The following MBOAT2 variants were observed in gnomAD, a reference collection of about 807,000 sequenced individuals.
The protein encoded by MBOAT2 is membrane bound glycerophospholipid O-acyltransferase 2.
Under a neutral mutation model 63.4 loss-of-function variants are expected in MBOAT2, and 28 were observed. That is an observed-to-expected ratio of 0.44 (90% CI 0.33 to 0.61). The LOEUF (loss-of-function observed/expected upper bound fraction) is 0.61, where lower values mean the gene tolerates loss of function less well. Among genes scored for constraint, MBOAT2 ranks in the 20% least tolerant of loss-of-function variants. The pLI, the probability that MBOAT2 is intolerant of heterozygous loss-of-function variation, is 0.03. For synonymous variants in MBOAT2, 211 were observed against 215.6 expected, an observed-to-expected ratio of 0.98 and a Z score of 0.19; for missense variants, 470 against 605.8, an observed-to-expected ratio of 0.78 and a Z score of 2.35.
At chr2:8,892,866 A>T (rs971717595) in intron 4 of MBOAT2, among the ~76,000 whole-genome samples, 3 of 152,080 alleles carry the variant, frequency 2.0e-5, no homozygotes, top group Admixed American at 2.0e-4. Context: ...GTGATGAGCA[A>T]GGAGGACAGG....
intron 2 of MBOAT2, among the ~76,000 whole-genome samples, chr2:8,955,614 T>C (rs1161944940): frequency 6.6e-6 from 1 of 152,226 alleles, no homozygotes; most frequent in East Asian, 1.9e-4. Flanking sequence ...TAATCAGCCA[T>C]CTTGGACTGT....
chr2:8,966,390 G>C (rs1472041388), intron 1 of MBOAT2, among the ~76,000 whole-genome samples: 2 of 152,188 alleles, frequency 1.3e-5, no homozygotes, highest in Non-Finnish European at 2.9e-5. Flanking sequence ...CCCTGTGCTG[G>C]AATCTTATCT....
intron 1 of MBOAT2, among the ~76,000 whole-genome samples, chr2:8,970,739 AACACCTCT>A (rs1282191259): frequency 1.3e-5 from 2 of 152,224 alleles, no homozygotes; most frequent in Non-Finnish European, 2.9e-5. Flanking sequence ...GAATACTATA[AACACCTCT>A]ACACAAATAA....
At chr2:8,969,217 C>G (rs1670257059) in intron 1 of MBOAT2, among the ~76,000 whole-genome samples, 1 of 152,048 alleles carries the variant, frequency 6.6e-6, no homozygotes, top group African/African-American at 2.4e-5. Flanking sequence ...GGCCAATATT[C>G]AACATTCTTA....
At chr2:8,893,319 T>G (rs546974380) in intron 4 of MBOAT2, among the ~76,000 whole-genome samples, 22 of 152,246 alleles carry the variant, frequency 1.4e-4, no homozygotes, top group Non-Finnish European at 2.1e-4. Flanking sequence ...GCACTGCAGC[T>G]TCAGGCACGC....
chr2:8,969,810 G>C (rs1262538798), intron 1 of MBOAT2, among the ~76,000 whole-genome samples: 1 of 152,182 alleles, frequency 6.6e-6, no homozygotes, highest in African/African-American at 2.4e-5. Flanking sequence ...AATTCAACAA[G>C]AAGAGCTAAC....
intron 3 of MBOAT2, among the ~76,000 whole-genome samples, chr2:8,927,390 A>G (rs1047201319): frequency 1.3e-5 from 2 of 152,222 alleles, no homozygotes; most frequent in African/African-American, 4.8e-5. Flanking sequence ...AATGAATTTA[A>G]TAAGGCAACT....
intron 8 of MBOAT2, among the ~76,000 whole-genome samples, chr2:8,869,519 C>T (rs1662159801): frequency 6.6e-6 from 1 of 152,144 alleles, no homozygotes; most frequent in African/African-American, 2.4e-5. Flanking sequence ...ACAAATCCAT[C>T]AAAGCCCAGC....
intron 3 of MBOAT2, among the ~76,000 whole-genome samples, chr2:8,937,142 T>C (rs1007699400): frequency 6.6e-6 from 1 of 152,154 alleles, no homozygotes; most frequent in Non-Finnish European, 1.5e-5. Context: ...GAATCAGGGA[T>C]GAGACTTGCT....
chr2:8,930,249 C>T (rs1291327458), intron 3 of MBOAT2, among the ~76,000 whole-genome samples: 1 of 152,214 alleles, frequency 6.6e-6, no homozygotes, highest in Non-Finnish European at 1.5e-5. Flanking sequence ...TACTTCCCAC[C>T]TTAAAGAGTT....
Position 8,860,622 on chromosome 2 carries a change from G to T in MBOAT2, c.1328C>A (p.Thr443Lys). 6.8e-6 allele frequency: 11 copies of T among 1,612,244 alleles called. No individual in the cohort carries two copies. The highest frequency in any genetic ancestry group is 9.3e-6 in the Non-Finnish European group (11 of 1,179,498). Residue 443 changes from threonine to lysine, a missense_variant, in exon 12 of 13, where the codon ACG (threonine) becomes AAG (lysine). Around this residue, in one of 3 missense-constraint regions of MBOAT2, gnomAD observed 90 missense variants for 84.9 expected, o/e 1.06. Transcript: ENST00000305997. ...TAAGAGTAACACTTACCTGTAAAACGTGAGTGATGGTTTTATAGAAAGAAG... is the reference window on the plus strand; with the variant it reads ...TAAGAGTAACACTTACCTGTAAAACTTGAGTGATGGTTTTATAGAAAGAAG... Reference protein sequence around the residue: ...FVLLSIKPSLTFYSSWYYCLH... With the variant: ...FVLLSIKPSLKFYSSWYYCLH...
chr2:8,959,017 G>A (rs1425270003), intron 1 of MBOAT2, among the ~76,000 whole-genome samples: 1 of 152,200 alleles, frequency 6.6e-6, no homozygotes, highest in Non-Finnish European at 1.5e-5. Flanking sequence ...CCTGTAACCC[G>A]TGAAAAAGAG....
Position 8,860,454 on chromosome 2 carries a change from C to CTGAGA in MBOAT2, c.1337+154_1337+158dup, listed in dbSNP as rs1352452317. Among the ~76,000 whole-genome samples the CTGAGA allele has an allele frequency of 2.8e-4, 43 of 152,278 alleles. 1 individual carries two copies. Among genetic ancestry groups the CTGAGA allele is most frequent in the Middle Eastern group, 3.4e-3 (1 of 294 alleles). On this transcript the variant is annotated intron_variant, in intron 12 of 12. Coordinates refer to ENST00000305997, the MANE Select transcript of MBOAT2 (RefSeq NM_138799.4). ...GTATGAGTCATTCCACAGAGAAACG[C>CTGAGA]TGAGACTTGCTTGGTTCAGAATTAA...
At chr2:8,898,100 G>A (rs1227920171) in intron 4 of MBOAT2, among the ~76,000 whole-genome samples, 1 of 152,134 alleles carries the variant, frequency 6.6e-6, no homozygotes, top group East Asian at 1.9e-4. Context: ...CTGTTTGTGG[G>A]GTTGTCCCAC....
At chr2:8,956,913 T>A (rs911469600) in intron 2 of MBOAT2, among the ~76,000 whole-genome samples, 1 of 152,140 alleles carries the variant, frequency 6.6e-6, no homozygotes, top group African/African-American at 2.4e-5. Context: ...CTGTAGGAGA[T>A]ATTGTTTATA....
intron 3 of MBOAT2, among the ~76,000 whole-genome samples, chr2:8,927,670 G>A (rs1338251345): frequency 6.6e-6 from 1 of 152,130 alleles, no homozygotes; most frequent in African/African-American, 2.4e-5. Flanking sequence ...GGTGTTCCAG[G>A]AAGGGCAGGG....
intron 7 of MBOAT2, among the ~76,000 whole-genome samples, chr2:8,876,347 T>A (rs557059280): frequency 2.8e-4 from 43 of 152,330 alleles, no homozygotes; most frequent in Non-Finnish European, 5.1e-4. Flanking sequence ...TGAGTCTCAG[T>A]TTCCTCAATG....
intron 4 of MBOAT2, among the ~76,000 whole-genome samples, chr2:8,898,935 C>T (rs193281218): frequency 6.6e-6 from 1 of 152,382 alleles, no homozygotes; most frequent in African/African-American, 2.4e-5. Flanking sequence ...CTAGTCTCCA[C>T]TGACCATTCG....
At chr2:8,883,462 T>A (rs989381503) in intron 5 of MBOAT2, among the ~76,000 whole-genome samples, 1 of 152,192 alleles carries the variant, frequency 6.6e-6, no homozygotes, top group African/African-American at 2.4e-5. Context: ...ATCTAAATTA[T>A]GTAAAACACA....
Sources: allele counts gnomAD v4.1 joint callset (sites outside exome capture counted in the v4.1 genomes callset), GRCh38; gene constraint gnomAD v4.1.1; regional missense constraint gnomAD v4.1.1; transcripts MANE v1.5; gene names NCBI Gene and HGNC (gene_info 2026-07-23, HGNC 2026-07-21).